The following OSGEP variants were observed in gnomAD, a reference collection of about 807,000 sequenced individuals.
OSGEP encodes the protein O-sialoglycoprotein endopeptidase.
OSGEP carries 39 observed loss-of-function variants against 44.1 expected under a neutral mutation model. That is an observed-to-expected ratio of 0.88 (90% CI 0.69 to 1.16). The LOEUF (loss-of-function observed/expected upper bound fraction) is 1.16. Ranked by LOEUF, OSGEP falls within the 50% of genes most tolerant of loss-of-function variation. The pLI, the probability that OSGEP is intolerant of heterozygous loss-of-function variation, is 0.00. For missense variants in OSGEP, 403 were observed against 443.1 expected (o/e 0.91, Z 0.81); for synonymous variants, 139 against 161.9 (o/e 0.86, Z 1.07).
In OSGEP at chr14:20,451,977, C is replaced by A; in HGVS notation, c.408G>T (p.Thr136=). 2 of 1,596,182 alleles carry A rather than the reference C, an allele frequency of 1.3e-6. No individual in the cohort carries two copies. The highest frequency in any genetic ancestry group is 1.7e-6 in the Non-Finnish European group (2 of 1,170,538). ...PTVLYVSGGN[T]QVIAYSEHRY... ...GTGGGTAGAGCCCTCTAAATACCTG[C>A]GTATTTCCTCCACTCACATACAACA... Residue 136 remains threonine, a synonymous_variant, in exon 3 of 11, where the codon ACG becomes ACT. Coordinates refer to ENST00000206542, the MANE Select transcript of OSGEP (RefSeq NM_017807.4).
chr14:20,453,998 G>A (rs543041535), intron 1 of OSGEP, among the ~76,000 whole-genome samples: 14 of 152,082 alleles, frequency 9.2e-5, no homozygotes, highest in Admixed American at 3.3e-4. Flanking sequence ...CAGCCTGGGC[G>A]ACAGAGCAAG....
chr14:20,449,381 G>C (rs958750545), intron 3 of OSGEP, 115 bp from the exon 4 acceptor site: 3 of 704,140 alleles, frequency 4.3e-6, no homozygotes, highest in African/African-American at 3.5e-5. Flanking sequence ...AATAAGAAGT[G>C]GAAGAAAGGT....
rs113177118 is a variant in OSGEP, at chr14:20,451,677, T to C, written c.411+297A>G. The C allele has an allele frequency of 1.7e-3, 445 of 259,004 alleles. 3 individuals are homozygous for C. The highest frequency in any genetic ancestry group is 9.1e-3 in the African/African-American group (409 of 45,190). 16.0% of individuals were successfully genotyped at this position (259,004 alleles called of 1,614,324 possible). On this transcript the variant is annotated intron_variant, in intron 3 of 10. Transcript: ENST00000206542. ...AAATAATGCAAGAGCTTTCAGATAT[T>C]CATTATTTTGAAGATTTCAATCCTT...
In OSGEP at chr14:20,448,981, A is replaced by C. The variant is rs760664471; in HGVS notation, c.540T>G (p.Ile180Met). ...ISNDPSPGYN[I>M]EQMAKRGKKL... ...CCCCTTACCGCTTTGCCATCTGTTC[A>C]ATGTTGTATCCTGGACTTGGGTCGT... The change falls in exon 5 of 11, where the codon ATT becomes ATG. Residue 180 changes from isoleucine (I) to methionine (M), a missense_variant. By Grantham distance (10) the Ile-to-Met change is conservative. Coordinates refer to ENST00000206542, the MANE Select transcript of OSGEP (RefSeq NM_017807.4). 1.9e-6 allele frequency: 3 copies of C among 1,614,116 alleles called. No homozygotes were observed. The East Asian group carries it at 6.7e-5, about 36-fold the overall frequency.
intron 1 of OSGEP, among the ~76,000 whole-genome samples, chr14:20,452,766 A>G (rs1881138085): frequency 1.3e-5 from 2 of 148,422 alleles, no homozygotes; most frequent in Admixed American, 6.8e-5. Context: ...GCTGGAGTGC[A>G]GTGGCACGAT....
chr14:20,454,449 G>A (rs1566510883), intron 1 of OSGEP, 120 bp downstream of exon 1: 1 of 797,572 alleles, frequency 1.3e-6, no homozygotes, highest in East Asian at 2.4e-5. Flanking sequence ...CGTTAATAAT[G>A]TCACATAATT....
rs1301070482 is a variant in OSGEP at position 20,448,964 on chromosome 14, C to T, written c.557G>A (p.Arg186Gln). Residue 186 changes from arginine to glutamine, a missense_variant and splice_region_variant, in exon 5 of 11, where the codon CGA becomes CAA. By Grantham distance (43) the Arg-to-Gln change is conservative. Transcript: ENST00000206542. ...CTGCTTCCACCTTATGTCCCCTTAC[C>T]GCTTTGCCATCTGTTCAATGTTGTA... ...PGYNIEQMAKRGKKLVELPYT... is the reference protein window; with the variant it reads ...PGYNIEQMAKQGKKLVELPYT... 1.9e-6 allele frequency: 3 copies of T among 1,613,978 alleles called. No individual in the cohort carries two copies. The highest frequency in any genetic ancestry group is 2.5e-6 in the Non-Finnish European group (3 of 1,179,884).
chr14:20,451,901 T>A, intron 3 of OSGEP, 73 bp downstream of exon 3: 3 of 1,303,264 alleles, frequency 2.3e-6, no homozygotes, highest in Non-Finnish European at 3.1e-6. Flanking sequence ...TTCCCATGAC[T>A]CAGATAGAAC....
At chr14:20,448,458 CTT>C (rs1245137648) in intron 6 of OSGEP, among the ~76,000 whole-genome samples, 1 of 152,112 alleles carries the variant, frequency 6.6e-6, no homozygotes, top group Non-Finnish European at 1.5e-5. Flanking sequence ...TTATTTTCCT[CTT>C]TCTTATCTCC....
chr14:20,448,537 TCTA>T (rs1467157910), intron 6 of OSGEP, among the ~76,000 whole-genome samples, 193 bp downstream of exon 6: 2 of 152,134 alleles, frequency 1.3e-5, no homozygotes, highest in African/African-American at 4.8e-5. Flanking sequence ...ATGCTGCATC[TCTA>T]CTATCTAGAA....
chr14:20,447,461 C>T lies in OSGEP; in HGVS notation c.929G>A (p.Gly310Glu). ...AGAATCACTGAGTGGGGTCCTGTGTCCAGCCCGAAACATCTCCCAGCCAGC... is the reference window on the plus strand; with the variant it reads ...AGAATCACTGAGTGGGGTCCTGTGTTCAGCCCGAAACATCTCCCAGCCAGC... ...AQAGWEMFRA[G>E]HRTPLSDSGV... Residue 310 changes from glycine to glutamate, a missense_variant, in exon 10 of 11, where the codon GGA becomes GAA. Transcript: ENST00000206542. 1 of 1,614,188 alleles carries T rather than the reference C, an allele frequency of 6.2e-7. No homozygotes were observed. Among genetic ancestry groups the T allele is most frequent in the Non-Finnish European group, 8.5e-7 (1 of 1,180,026 alleles).
At chr14:20,447,300 C>T (rs748140082) in intron 10 of OSGEP, 21 bp from the exon 11 acceptor site, 2 of 1,614,018 alleles carry the variant, frequency 1.2e-6, no homozygotes, top group South Asian at 1.1e-5. Context: ...ACAGAAGAAA[C>T]ATGGTGGAGA....
rs751087227 is a variant in OSGEP at position 20,448,796 on chromosome 14, A to G, written c.573T>C (p.Val191=). 1.2e-6 allele frequency: 2 copies of G among 1,613,162 alleles called. No homozygotes were observed. The highest frequency in any genetic ancestry group is 8.5e-7 in the Non-Finnish European group (1 of 1,179,124). ...EQMAKRGKKL[V]ELPYTVKGMD... is the part of the protein sequence containing the mutation. ...TCCCCTTTACAGTGTATGGCAGCTCAACTAGCTTCTTGCCTCTATGTGGGA... is the reference window on the plus strand; with the variant it reads ...TCCCCTTTACAGTGTATGGCAGCTCGACTAGCTTCTTGCCTCTATGTGGGA... The change falls in exon 6 of 11, where the codon GTT becomes GTC. Residue 191 remains valine, a synonymous_variant. Coordinates refer to ENST00000206542, the MANE Select transcript of OSGEP (RefSeq NM_017807.4).
rs1359030946 is a variant in OSGEP, at chr14:20,448,720, C to G, written c.636+13G>C. ...AGCATGAAAGTGCCCGTCTCATCAC[C>G]TCTCACACTCACCTCAATGAAAGAC... On this transcript the variant is annotated intron_variant, in intron 6 of 10. Coordinates refer to ENST00000206542, the MANE Select transcript of OSGEP (RefSeq NM_017807.4). 7 of 1,591,180 alleles carry G rather than the reference C, an allele frequency of 4.4e-6. No homozygotes were observed. The Admixed American group carries it at 5.0e-5, about 11-fold the overall frequency.
chr14:20,451,300 TG>T (rs1350941565), intron 3 of OSGEP: 2 of 300,388 alleles, frequency 6.7e-6, no homozygotes, highest in Admixed American at 4.7e-5. Context: ...TGTTTTTTTT[TG>T]TTTTTTGTTT....
rs148435101 is a variant in OSGEP at position 20,452,361 on chromosome 14, G to T, written c.203C>A (p.Ser68Tyr). The change falls in exon 2 of 11, where the codon TCC becomes TAC. Residue 68 changes from serine to tyrosine, a missense_variant. Physicochemically the swap from Ser to Tyr is moderately radical, Grantham distance 144 (BLOSUM62 -2). Transcript: ENST00000206542. The part of the protein sequence containing the change: ...QEALTESGLT[S>Y]QDIDCIAYTK... ...GTATGCAATGCAGTCGATATCCTGGGAGGTTAATCCAGACTCTGTTAGTGC... is the reference window on the plus strand; with the variant it reads ...GTATGCAATGCAGTCGATATCCTGGTAGGTTAATCCAGACTCTGTTAGTGC... 619 of 1,613,892 alleles carry T rather than the reference G, an allele frequency of 3.8e-4. No homozygotes were observed. The highest frequency in any genetic ancestry group is 5.1e-4 in the Non-Finnish European group (600 of 1,179,980).
chr14:20,452,276 C>G lies in OSGEP; in HGVS notation c.235+53G>C, dbSNP rs114987529. The G allele has an allele frequency of 1.4e-3, 2,318 of 1,606,752 alleles. 21 individuals carry two copies. In the African/African-American group the frequency reaches 0.02, roughly 14 times the overall value. On this transcript the variant is annotated intron_variant, in intron 2 of 10. Coordinates refer to ENST00000206542, the MANE Select transcript of OSGEP (RefSeq NM_017807.4). ...GAGGTAAGGTGTTGGCTATTTTGAC[C>G]TAGCCAGGTTGCAGGTATATTCCTC...
In OSGEP at chr14:20,454,711, G is replaced by A. The variant is rs758539472; in HGVS notation, c.-28C>T. 3.9e-6 allele frequency: 6 copies of A among 1,541,276 alleles called. No individual in the cohort carries two copies. In the South Asian group the frequency reaches 6.7e-5, roughly 17 times the overall value. The stretch of plus-strand genomic sequence containing the variant: ...CGGAGGCTGGGAGAAAACGCCGACA[G>A]GACTCCTGGCAATGTCAGGAGCTGT... On this transcript the variant is annotated 5_prime_UTR_variant, in exon 1 of 11. Coordinates refer to ENST00000206542, the MANE Select transcript of OSGEP (RefSeq NM_017807.4).
intron 2 of OSGEP, 29 bp from the exon 3 acceptor site, chr14:20,452,178 C>T (rs763783464): frequency 1.9e-6 from 3 of 1,579,002 alleles, no homozygotes; most frequent in Non-Finnish European, 2.6e-6. Context: ...AAGTTATAAT[C>T]CTAGAGATTG....
Sources: allele counts gnomAD v4.1 joint callset (sites outside exome capture counted in the v4.1 genomes callset), GRCh38; gene constraint gnomAD v4.1.1; transcripts MANE v1.5; gene names NCBI Gene and HGNC (gene_info 2026-07-23, HGNC 2026-07-21).